THSD7B: variants seen among roughly 807,000 people sequenced by gnomAD.
THSD7B encodes the protein thrombospondin type 1 domain containing 7B.
THSD7B carries 138 observed loss-of-function variants against 213.6 expected under a neutral mutation model. The ratio of observed to expected loss-of-function variants is 0.65; its 90% CI spans 0.56 to 0.74. The LOEUF (loss-of-function observed/expected upper bound fraction) is 0.74, where lower values mean the gene tolerates loss of function less well. Among genes scored for constraint, THSD7B ranks in the 30% least tolerant of loss-of-function variants. The probability of loss-of-function intolerance (pLI) is 0.00; values close to 1 mark genes in which losing one functional copy is unlikely to be tolerated. For synonymous variants in THSD7B, 742 were observed against 687.0 expected (o/e 1.08, Z -1.25); for missense variants, 1,931 against 1,991.5 (o/e 0.97, Z 0.58).
chr2:137,016,402 C>G (rs1240925319), intron 2 of THSD7B, among the ~76,000 whole-genome samples: 1 of 152,152 alleles, frequency 6.6e-6, no homozygotes, highest in African/African-American at 2.4e-5. Flanking sequence ...GTCACCATTT[C>G]TCTCAAACTC....
chr2:137,246,066 C>A (rs1682025733), intron 10 of THSD7B, among the ~76,000 whole-genome samples: 1 of 152,068 alleles, frequency 6.6e-6, no homozygotes, highest in African/African-American at 2.4e-5. Context: ...AAGTGAGAAG[C>A]ATGGACCAGG....
At chr2:137,431,904 A>C (rs1687193932) in intron 14 of THSD7B, among the ~76,000 whole-genome samples, 1 of 95,294 alleles carries the variant, frequency 1.0e-5, no homozygotes, top group Non-Finnish European at 2.9e-5. Context: ...CCTCAGAAAA[A>C]CTCTAAGAAA....
At chr2:137,075,281 AT>A (rs1687595406) in intron 3 of THSD7B, among the ~76,000 whole-genome samples, 1 of 151,986 alleles carries the variant, frequency 6.6e-6, no homozygotes, top group South Asian at 2.1e-4. Flanking sequence ...GGCTTTGTTC[AT>A]TTCTTTTTAT....
intron 15 of THSD7B, among the ~76,000 whole-genome samples, chr2:137,540,428 C>G (rs1416642650): frequency 1.3e-5 from 2 of 151,648 alleles, no homozygotes; most frequent in Admixed American, 1.3e-4. Flanking sequence ...TTAACTTGCC[C>G]TGTTTCCAAC....
intron 14 of THSD7B, 77 bp from the exon 15 acceptor site, chr2:137,450,768 G>A: frequency 1.7e-6 from 2 of 1,177,640 alleles, no homozygotes; most frequent in Non-Finnish European, 2.3e-6. Context: ...AATCCAAACT[G>A]TGATCATGGA....
intron 1 of THSD7B, among the ~76,000 whole-genome samples, chr2:136,857,104 A>G (rs1470667584): frequency 6.6e-6 from 1 of 152,192 alleles, no homozygotes; most frequent in Non-Finnish European, 1.5e-5. Flanking sequence ...CAGGAACATG[A>G]CTTACCTTTT....
chr2:137,174,625 C>T (rs1680324512), intron 7 of THSD7B, among the ~76,000 whole-genome samples: 1 of 152,158 alleles, frequency 6.6e-6, no homozygotes, highest in African/African-American at 2.4e-5. Flanking sequence ...TCCTCTTTCT[C>T]CCTCAAGCCT....
chr2:136,847,318 A>C (rs1558824656), intron 1 of THSD7B, among the ~76,000 whole-genome samples: 1 of 152,212 alleles, frequency 6.6e-6, no homozygotes, highest in Non-Finnish European at 1.5e-5. Flanking sequence ...ATATGCATTA[A>C]GGATTACTTG....
At chr2:136,905,857 A>G (rs775720920) in intron 2 of THSD7B, among the ~76,000 whole-genome samples, 7 of 152,212 alleles carry the variant, frequency 4.6e-5, no homozygotes, top group Non-Finnish European at 7.3e-5. Context: ...TGGGGCTAGC[A>G]TTGGAGCCTC....
At chr2:137,312,656 T>C (rs1683948743) in intron 12 of THSD7B, among the ~76,000 whole-genome samples, 3 of 149,064 alleles carry the variant, frequency 2.0e-5, no homozygotes, top group African/African-American at 7.4e-5. Flanking sequence ...TGCTATAAAT[T>C]TCCCTCTACA....
chr2:136,807,509 GT>G (rs777353589), intron 1 of THSD7B, among the ~76,000 whole-genome samples: 21 of 104,886 alleles, frequency 2.0e-4, no homozygotes, highest in Middle Eastern at 5.4e-3. Flanking sequence ...AAAATGTTTC[GT>G]TTTTTTTTTT....
chr2:136,988,312 G>A (rs538738973), intron 2 of THSD7B, among the ~76,000 whole-genome samples: 1 of 152,228 alleles, frequency 6.6e-6, no homozygotes, highest in African/African-American at 2.4e-5. Context: ...TATGAGATCA[G>A]GTATTTCAGT....
chr2:137,012,923 G>A (rs1173381048), intron 2 of THSD7B, among the ~76,000 whole-genome samples: 1 of 152,158 alleles, frequency 6.6e-6, no homozygotes, highest in Non-Finnish European at 1.5e-5. Context: ...CTGGAGTATA[G>A]ACTTAACCTG....
intron 15 of THSD7B, among the ~76,000 whole-genome samples, chr2:137,516,927 T>C (rs1244360386): frequency 6.6e-6 from 1 of 152,254 alleles, no homozygotes; most frequent in East Asian, 1.9e-4. Flanking sequence ...ACCACATCCC[T>C]GTTCAACTCT....
intron 15 of THSD7B, among the ~76,000 whole-genome samples, chr2:137,478,352 G>A (rs1479783613): frequency 6.6e-6 from 1 of 152,080 alleles, no homozygotes; most frequent in Admixed American, 6.6e-5. Flanking sequence ...GATTGAGTCT[G>A]TTGTTGAAGA....
At chr2:137,436,453 C>T (rs568617459) in intron 14 of THSD7B, among the ~76,000 whole-genome samples, 8 of 152,248 alleles carry the variant, frequency 5.3e-5, no homozygotes, top group African/African-American at 1.9e-4. Context: ...AATTTGATTC[C>T]AGAGCTTGTT....
chr2:137,578,899 G>C (rs376368766), intron 17 of THSD7B, among the ~76,000 whole-genome samples: 38 of 152,248 alleles, frequency 2.5e-4, no homozygotes, highest in African/African-American at 8.4e-4. Context: ...AATGAATAGA[G>C]ACTAAGTGAT....
At chr2:136,865,160 G>C (rs1433557112) in intron 1 of THSD7B, among the ~76,000 whole-genome samples, 3 of 152,166 alleles carry the variant, frequency 2.0e-5, no homozygotes, top group Non-Finnish European at 4.4e-5. Flanking sequence ...CTCCTTCCTA[G>C]AGAACTGCCC....
At chr2:136,787,692 A>G (rs1287885814) in intron 1 of THSD7B, among the ~76,000 whole-genome samples, 3 of 152,098 alleles carry the variant, frequency 2.0e-5, no homozygotes, top group African/African-American at 7.2e-5. Flanking sequence ...CTTATTATTC[A>G]CTATATTATT....
Sources: gnomAD v4.1 joint callset for allele counts (sites outside exome capture counted in the v4.1 genomes callset) on GRCh38, gnomAD v4.1.1 for gene constraint, MANE v1.5 for transcripts, NCBI Gene and HGNC (gene_info 2026-07-23, HGNC 2026-07-21) for gene names.